MYO16: variants seen among roughly 807,000 people sequenced by gnomAD.
MYO16 encodes unconventional myosin-XVI.
In MYO16, 94 loss-of-function variants were observed where a neutral mutation model predicts 205.3. That is an observed-to-expected ratio of 0.46 (90% confidence interval 0.39 to 0.54). The LOEUF is 0.54. MYO16 is among the 20% of genes least tolerant of loss of function. The pLI is 0.00. For missense variants in MYO16, 2,315 were observed against 2,387.5 expected, an observed-to-expected ratio of 0.97 and a Z score of 0.63; for synonymous variants, 988 against 954.0, an observed-to-expected ratio of 1.04 and a Z score of -0.66.
chr13:108,599,814 T>G, intron 1 of MYO16, among the ~76,000 whole-genome samples: 1 of 152,220 alleles, frequency 6.6e-6, no homozygotes, highest in East Asian at 1.9e-4. Context: ...AGTTTTGGGT[T>G]GAGAGAGTTC....
chr13:108,972,799 A>T (rs1169050389), intron 20 of MYO16, among the ~76,000 whole-genome samples: 1 of 151,970 alleles, frequency 6.6e-6, no homozygotes, highest in Non-Finnish European at 1.5e-5. Flanking sequence ...AATAAGGTCC[A>T]CATGGGTTAG....
intron 4 of MYO16, among the ~76,000 whole-genome samples, chr13:108,780,816 C>T (rs148068927): frequency 3.3e-5 from 5 of 152,210 alleles, no homozygotes; most frequent in African/African-American, 7.2e-5. Context: ...TCAGAAAGGC[C>T]GGCTTCTGTA....
intron 24 of MYO16, among the ~76,000 whole-genome samples, chr13:109,048,153 ATGTGTGTGTGTG>A (rs34750704): frequency 0.04 from 5,657 of 141,064 alleles, 257 homozygotes; most frequent in African/African-American, 0.11. Context: ...TTAATAGGAT[ATGTGTGTGTGTG>A]TGTGTGTGTG....
At chr13:108,603,628 A>G (rs1278513783) in intron 1 of MYO16, among the ~76,000 whole-genome samples, 2 of 151,906 alleles carry the variant, frequency 1.3e-5, no homozygotes, top group African/African-American at 4.8e-5. Context: ...TCCTACTCTG[A>G]GTTCATTTGA....
At chr13:108,855,967 C>T (rs942140864) in intron 11 of MYO16, among the ~76,000 whole-genome samples, 1 of 152,176 alleles carries the variant, frequency 6.6e-6, no homozygotes, top group Admixed American at 6.6e-5. Context: ...AAGACTGCAT[C>T]TCTATTTGCA....
At chr13:108,907,196 CT>C (rs960474112) in intron 15 of MYO16, among the ~76,000 whole-genome samples, 18 of 151,324 alleles carry the variant, frequency 1.2e-4, no homozygotes, top group Admixed American at 8.6e-4. Context: ...ATTTCCACCA[CT>C]TTTTTTTTAT....
chr13:108,905,859 T>A (rs1431528647), intron 15 of MYO16, among the ~76,000 whole-genome samples: 1 of 152,174 alleles, frequency 6.6e-6, no homozygotes, highest in East Asian at 1.9e-4. Context: ...GCACCCAGAA[T>A]GTGCAGAGGG....
At chr13:109,186,646 A>G (rs1422921594) in intron 34 of MYO16, among the ~76,000 whole-genome samples, 1 of 152,128 alleles carries the variant, frequency 6.6e-6, no homozygotes, top group Non-Finnish European at 1.5e-5. Flanking sequence ...ACACACAATC[A>G]TATTGCTTTT....
In MYO16 at chr13:109,022,324, AATATATATTTATATATTATATACAAATAT is replaced by A. The variant is rs1328106627; in HGVS notation, c.2796+2418_2796+2446del. ...AATATATATTTATATATTATATACAAATATATATTTATATATTATATACAAATATATATGTATATATGTATGTATTATAT... is the reference window on the plus strand; with the variant it reads ...AATATATATTTATATATTATATACAAATATGTATATATGTATGTATTATAT... On this transcript the variant is annotated intron_variant, in intron 23 of 34. Coordinates refer to ENST00000457511, the MANE Select transcript of MYO16 (RefSeq NM_001198950.3). Among the ~76,000 whole-genome samples the A allele has an allele frequency of 1.7e-4, 20 of 119,810 alleles. 1 individual carries two copies. The highest frequency in any genetic ancestry group is 7.0e-4 in the African/African-American group (20 of 28,534). 78.6% of individuals were successfully genotyped at this position (119,810 alleles called of 152,430 possible).
At chr13:108,599,855 C>T (rs1053137008) in intron 1 of MYO16, among the ~76,000 whole-genome samples, 1 of 152,116 alleles carries the variant, frequency 6.6e-6, no homozygotes, top group Non-Finnish European at 1.5e-5. Context: ...TCTTTGTAGC[C>T]TTGTACAGGC....
intron 12 of MYO16, among the ~76,000 whole-genome samples, chr13:108,877,414 A>G (rs1420641564): frequency 1.3e-5 from 2 of 152,158 alleles, no homozygotes; most frequent in East Asian, 3.9e-4. Flanking sequence ...TGTTGGCACC[A>G]ATTCTCTTGC....
intron 6 of MYO16, among the ~76,000 whole-genome samples, chr13:108,795,309 A>C (rs1420520388): frequency 6.6e-6 from 1 of 151,860 alleles, no homozygotes; most frequent in Non-Finnish European, 1.5e-5. Context: ...CTCGTGTCCA[A>C]GTGATTTTCC....
chr13:108,908,048 A>T (rs1032752643), intron 15 of MYO16, among the ~76,000 whole-genome samples: 1 of 152,232 alleles, frequency 6.6e-6, no homozygotes, highest in African/African-American at 2.4e-5. Flanking sequence ...TGTTTTCAGC[A>T]AAGAATTTAA....
the MYO16 span, among the ~76,000 whole-genome samples, chr13:108,520,077 A>T: frequency 0.33 from 50,206 of 151,992 alleles, 10,179 homozygotes; most frequent in African/African-American, 0.57. Context: ...AAGATAAAAC[A>T]TTTAACATTC....
At chr13:109,134,881 C>T (rs1188249840) in intron 31 of MYO16, among the ~76,000 whole-genome samples, 1 of 152,144 alleles carries the variant, frequency 6.6e-6, no homozygotes, top group Non-Finnish European at 1.5e-5. Context: ...CCATCTGTAT[C>T]AGTCCACCCT....
intron 23 of MYO16, among the ~76,000 whole-genome samples, chr13:109,037,884 G>C (rs1464023932): frequency 6.6e-6 from 1 of 152,170 alleles, no homozygotes; most frequent in Non-Finnish European, 1.5e-5. Flanking sequence ...GCCTCTCAGA[G>C]ACTTGGGCCT....
chr13:109,109,606 C>T (rs115370643), intron 28 of MYO16, among the ~76,000 whole-genome samples: 153 of 150,208 alleles, frequency 1.0e-3, no homozygotes, highest in African/African-American at 3.6e-3. Flanking sequence ...AGGACCTCAC[C>T]GTGGCAACAA....
At chr13:108,914,299 A>G (rs1881393666) in intron 16 of MYO16, among the ~76,000 whole-genome samples, 1 of 151,532 alleles carries the variant, frequency 6.6e-6, no homozygotes, top group South Asian at 2.1e-4. Context: ...TATTATTGTC[A>G]CATCTTCTTG....
At chr13:108,823,338 G>C in intron 9 of MYO16, 60 bp downstream of exon 9, 1 of 1,496,796 alleles carries the variant, frequency 6.7e-7, no homozygotes. Context: ...TCATTTTAGA[G>C]CCCATATTAA....
Sources: gnomAD v4.1 joint callset for allele counts (sites outside exome capture counted in the v4.1 genomes callset) on GRCh38, gnomAD v4.1.1 for gene constraint, MANE v1.5 for transcripts, NCBI Gene and HGNC (gene_info 2026-07-23, HGNC 2026-07-21) for gene names.